ETV5: variants seen among roughly 807,000 people sequenced by gnomAD.
The protein encoded by ETV5 is ETS translocation variant 5.
Under a neutral mutation model 70.0 loss-of-function variants are expected in ETV5, and 10 were observed. The ratio of observed to expected loss-of-function variants is 0.14; its 90% CI spans 0.09 to 0.24. The LOEUF is 0.24. ETV5 is among the 10% of genes least tolerant of loss of function. The pLI, the probability that ETV5 is intolerant of heterozygous loss-of-function variation, is 1.00. For missense variants in ETV5, 453 were observed against 651.2 expected (o/e 0.70, Z 3.31); for synonymous variants, 216 against 242.2 (o/e 0.89, Z 1.01).
chr3:186,072,993 G>A (rs997907777), intron 7 of ETV5, among the ~76,000 whole-genome samples: 3 of 152,128 alleles, frequency 2.0e-5, no homozygotes. Context: ...TTAGCCGGGT[G>A]TGGTGGTGTA....
At position 186,057,082 on chromosome 3, in the gene ETV5, G is replaced by A. The variant is rs1250670377; in HGVS notation, c.1202C>T (p.Pro401Leu). 1 of 1,613,906 alleles carries A rather than the reference G, an allele frequency of 6.2e-7. No homozygotes were observed. ...GRGMEFKLIE[P>L]EEVARRWGIQ... ...CCAGCATCCAGTGCATACCTCTTCC[G>A]GTTCTATCAGCTTGAACTCCATGCC... Residue 401 changes from proline to leucine, a missense_variant, in exon 11 of 13, where the codon CCG becomes CTG. Pro to Leu is a moderately conservative substitution (Grantham distance 98, BLOSUM62 -3). Coordinates refer to ENST00000306376, the MANE Select transcript of ETV5 (RefSeq NM_004454.3). This position sits in a 1 kb window ranked among gnomAD's most constrained non-coding sequence, Gnocchi z 4.9.
chr3:186,106,830 C>T (rs956422780), intron 1 of ETV5: 3 of 478,802 alleles, frequency 6.3e-6, no homozygotes, highest in African/African-American at 4.2e-5. Context: ...CTTCTCCTAA[C>T]GTGAGTGGAA....
chr3:186,076,799 A>G (rs1713801660), intron 7 of ETV5, among the ~76,000 whole-genome samples: 1 of 152,216 alleles, frequency 6.6e-6, no homozygotes. Flanking sequence ...CAAAACAAAA[A>G]AGACACATGT....
chr3:186,092,538 G>A (rs916562159), intron 5 of ETV5, among the ~76,000 whole-genome samples: 5 of 151,988 alleles, frequency 3.3e-5, no homozygotes, highest in Non-Finnish European at 7.4e-5. Flanking sequence ...ACTCAAGCGA[G>A]CTTCTTGCCT....
chr3:186,058,539 G>T (rs1430102026), intron 9 of ETV5, among the ~76,000 whole-genome samples: 1 of 152,126 alleles, frequency 6.6e-6, no homozygotes, highest in East Asian at 1.9e-4. Context: ...AGGTGAAAAG[G>T]CTCTGCAATG....
At chr3:186,065,303 T>G (rs1004802828) in intron 8 of ETV5, among the ~76,000 whole-genome samples, 5 of 152,190 alleles carry the variant, frequency 3.3e-5, no homozygotes, top group African/African-American at 1.2e-4. Context: ...ATGTTGCTGT[T>G]CATGCTACTC....
intron 7 of ETV5, among the ~76,000 whole-genome samples, chr3:186,071,641 T>C (rs921893126): frequency 7.2e-5 from 11 of 152,180 alleles, no homozygotes; most frequent in Non-Finnish European, 1.6e-4. Flanking sequence ...TCCCCACAAC[T>C]CCCAAGCTAA....
intron 7 of ETV5, among the ~76,000 whole-genome samples, chr3:186,077,246 C>CT (rs1713818773): frequency 6.6e-6 from 1 of 152,058 alleles, no homozygotes; most frequent in Admixed American, 6.5e-5. Context: ...AGTAATAGTC[C>CT]CTCTAATCTT....
At chr3:186,064,661 C>T in intron 8 of ETV5, 185 bp from the exon 9 acceptor site, 1 of 582,932 alleles carries the variant, frequency 1.7e-6, no homozygotes, top group East Asian at 2.8e-5. Context: ...CATAACCCAC[C>T]AGCTGAAAGG....
intron 7 of ETV5, among the ~76,000 whole-genome samples, chr3:186,075,587 A>G (rs905470247): frequency 2.0e-5 from 3 of 152,204 alleles, no homozygotes; most frequent in African/African-American, 7.2e-5. Flanking sequence ...TGAATCCTCA[A>G]TAATAACCAC....
chr3:186,053,370 G>C (rs1713080044), intron 11 of ETV5, among the ~76,000 whole-genome samples: 1 of 152,200 alleles, frequency 6.6e-6, no homozygotes, highest in Non-Finnish European at 1.5e-5. Flanking sequence ...CCGAAGTGCT[G>C]GGATTATAGG....
At chr3:186,107,122 C>G (rs1283274917) in intron 1 of ETV5, among the ~76,000 whole-genome samples, 3 of 152,152 alleles carry the variant, frequency 2.0e-5, no homozygotes, top group African/African-American at 7.2e-5. Context: ...CCCTTCACAG[C>G]CAGCATCCTC....
chr3:186,064,483 G>A lies in ETV5; in HGVS notation c.911-7C>T, dbSNP rs775687516. 13 of 1,613,884 alleles carry A rather than the reference G, an allele frequency of 8.1e-6. No individual in the cohort carries two copies. The South Asian group carries it at 1.3e-4, about 16-fold the overall frequency. On this transcript the variant is annotated splice_region_variant and splice_polypyrimidine_tract_variant and intron_variant, in intron 8 of 12. Transcript: ENST00000306376. ...GACTGGCAGTTAGGCACTTCTGAAA[G>A]GAAAGCAAAGGTGGACACAATCCTG...
At chr3:186,100,139 GCTAA>G (rs569587272) in intron 5 of ETV5, among the ~76,000 whole-genome samples, 45 of 152,252 alleles carry the variant, frequency 3.0e-4, no homozygotes, top group African/African-American at 8.7e-4. Context: ...AAGGTACTGG[GCTAA>G]CTAACAAACA....
chr3:186,103,168 T>TA (rs144350594), intron 5 of ETV5, among the ~76,000 whole-genome samples: 13 of 151,960 alleles, frequency 8.6e-5, no homozygotes, highest in Admixed American at 6.6e-4. Context: ...GTAAGCAAAG[T>TA]AAAAAAAACA....
Position 186,105,591 on chromosome 3 carries a change from G to C in ETV5, c.133+34C>G. 2 of 1,612,780 alleles carry C rather than the reference G, an allele frequency of 1.2e-6. No homozygotes were observed. The highest frequency in any genetic ancestry group is 1.7e-6 in the Non-Finnish European group (2 of 1,179,242). On this transcript the variant is annotated intron_variant, in intron 3 of 12. Coordinates refer to ENST00000306376, the MANE Select transcript of ETV5 (RefSeq NM_004454.3). The surrounding 1 kb of genome is among the most constrained non-coding windows in gnomAD (Gnocchi z 4.5). Reference sequence around the variant, plus strand: ...ACACGCTACTGTCACTGGGAGCAGGGAAGCCACAACATAATCAGGGAAAGC... The same window carrying C: ...ACACGCTACTGTCACTGGGAGCAGGCAAGCCACAACATAATCAGGGAAAGC...
intron 5 of ETV5, among the ~76,000 whole-genome samples, chr3:186,087,448 T>C (rs2150151353): frequency 6.6e-6 from 1 of 152,334 alleles, no homozygotes; most frequent in Admixed American, 6.5e-5. Flanking sequence ...CATGCAGCTG[T>C]ACTCTTGTGA....
Position 186,105,595 on chromosome 3 carries a change from C to G in ETV5, c.133+30G>C. 6.2e-7 allele frequency: 1 copy of G among 1,613,426 alleles called. No individual in the cohort carries two copies. The highest frequency in any genetic ancestry group is 8.5e-7 in the Non-Finnish European group (1 of 1,179,338). ...GCTACTGTCACTGGGAGCAGGGAAGCCACAACATAATCAGGGAAAGCTTTA... is the reference window on the plus strand; with the variant it reads ...GCTACTGTCACTGGGAGCAGGGAAGGCACAACATAATCAGGGAAAGCTTTA... On this transcript the variant is annotated intron_variant, in intron 3 of 12. Coordinates refer to ENST00000306376, the MANE Select transcript of ETV5 (RefSeq NM_004454.3). This position sits in a 1 kb window ranked among gnomAD's most constrained non-coding sequence, Gnocchi z 4.5.
intron 5 of ETV5, among the ~76,000 whole-genome samples, chr3:186,098,922 G>C (rs1025176708): frequency 2.6e-5 from 4 of 152,088 alleles, no homozygotes; most frequent in African/African-American, 9.7e-5. Flanking sequence ...AAGTCCTTCT[G>C]ACCACAGAAT....
Sources: gnomAD v4.1 joint callset for allele counts (sites outside exome capture counted in the v4.1 genomes callset) on GRCh38, gnomAD v4.1.1 for gene constraint, Gnocchi (gnomAD v3.1) non-coding constraint, MANE v1.5 for transcripts, NCBI Gene and HGNC (gene_info 2026-07-23, HGNC 2026-07-21) for gene names.